Variants in TARS1 observed in about 807,000 individuals in gnomAD.
The protein encoded by TARS1 is threonyl-tRNA synthetase 1.
In TARS1, 57 loss-of-function variants were observed where a neutral mutation model predicts 97.7. That is an observed-to-expected ratio of 0.58 (90% CI 0.47 to 0.73). The LOEUF (loss-of-function observed/expected upper bound fraction) is 0.73. Among genes scored for constraint, TARS1 ranks in the 30% least tolerant of loss-of-function variants. TARS1 has a pLI of 0.00. For missense variants in TARS1, 806 were observed against 888.3 expected (o/e 0.91, Z 1.18); for synonymous variants, 312 against 293.7 (o/e 1.06, Z -0.64).
At chr5:33,445,246 TTC>T (rs2111926745) in intron 1 of TARS1, 76 bp from the exon 2 acceptor site, 7 of 1,076,502 alleles carry the variant, frequency 6.5e-6, no homozygotes, top group Non-Finnish European at 9.5e-6. Context: ...TAAAATAACA[TTC>T]TCAACACTTC....
At position 33,456,199 on chromosome 5, in the gene TARS1, GC is replaced by G. The variant is rs780053489; in HGVS notation, c.810del (p.Ile272LeufsTer4). On this transcript the variant is annotated frameshift_variant, in exon 8 of 19. Coordinates refer to ENST00000265112, the MANE Select transcript of TARS1 (RefSeq NM_152295.5). LOFTEE classifies it high-confidence loss of function. ...CGGGGTCCTCATGTTAGACACACGG[GC>G]AAAATTAAGGCTTTAAAAATACACA... ...LCRGPHVRHT[G>X]KIKALKIHKN... The G allele has an allele frequency of 6.2e-7, 1 of 1,613,756 alleles. No homozygotes were observed.
intron 9 of TARS1, 50 bp from the exon 10 acceptor site, chr5:33,458,516 A>G: frequency 6.7e-7 from 1 of 1,489,978 alleles, no homozygotes; most frequent in Non-Finnish European, 9.2e-7. Context: ...ATATATACAC[A>G]CACGTATACG....
chr5:33,458,544 CT>C (rs754641252), intron 9 of TARS1, 21 bp from the exon 10 acceptor site: 13 of 1,598,962 alleles, frequency 8.1e-6, no homozygotes, highest in East Asian at 2.2e-5. Flanking sequence ...CATAAACATT[CT>C]TTTGCTTTTC....
Position 33,448,551 on chromosome 5 carries a change from G to T in TARS1, c.149G>T (p.Trp50Leu). Residue 50 changes from tryptophan to leucine, a missense_variant, in exon 3 of 19, where the codon TGG (tryptophan) becomes TTG (leucine). Around this residue, in one of 3 missense-constraint regions of TARS1, gnomAD observed 356 missense variants for 357.8 expected, o/e 0.99. Transcript: ENST00000265112. ...TTTGTTGTCTTGCAGTTGAATCCTTGGCCTGAATATATTTACACACGTCTT... is the reference window on the plus strand; with the variant it reads ...TTTGTTGTCTTGCAGTTGAATCCTTTGCCTGAATATATTTACACACGTCTT... Reference protein sequence around the residue: ...GDGGRAELNPWPEYIYTRLEM... With the variant: ...GDGGRAELNPLPEYIYTRLEM... 6.3e-7 allele frequency: 1 copy of T among 1,580,704 alleles called. No individual in the cohort carries two copies. Among genetic ancestry groups the T allele is most frequent in the Non-Finnish European group, 8.6e-7 (1 of 1,162,010 alleles).
intron 3 of TARS1, among the ~76,000 whole-genome samples, chr5:33,451,852 C>T (rs887599349): frequency 3.9e-5 from 6 of 152,072 alleles, no homozygotes; most frequent in African/African-American, 1.4e-4. Context: ...TATGATTATC[C>T]TTTTTATCAG....
chr5:33,462,286 G>A lies in TARS1; in HGVS notation c.1835+83G>A, dbSNP rs919409004. On this transcript the variant is annotated intron_variant, in intron 16 of 18. Transcript: ENST00000265112. ...CTACTTTTCGATTTAATTATCAGAT[G>A]GAAAGGGAGAATGATTCCAATCGGT... 6.8e-5 allele frequency: 84 copies of A among 1,234,148 alleles called. No individual in the cohort carries two copies. In the Middle Eastern group the frequency reaches 8.3e-4, roughly 12 times the overall value. 76.4% of individuals were successfully genotyped at this position (1,234,148 alleles called of 1,614,324 possible).
chr5:33,456,875 G>A (rs563951512), intron 8 of TARS1, among the ~76,000 whole-genome samples: 5 of 152,240 alleles, frequency 3.3e-5, no homozygotes, highest in East Asian at 1.9e-4. Flanking sequence ...AATGGAGATC[G>A]TGCCACTGCA....
rs141843774 is a variant in TARS1, at chr5:33,463,364, G to A, written c.1836-389G>A. 1.1e-3 allele frequency among the ~76,000 whole-genome samples: 166 copies of A among 152,284 alleles called. 1 individual carries two copies. The highest frequency in any genetic ancestry group is 3.7e-3 in the African/African-American group (153 of 41,560). ...AGTAAACTGAGGGCACTGTGTCCCC[G>A]TGAAGAATAAGTAATAAAATGAACA... On this transcript the variant is annotated intron_variant, in intron 16 of 18. Coordinates refer to ENST00000265112, the MANE Select transcript of TARS1 (RefSeq NM_152295.5).
chr5:33,446,651 C>T (rs1024543273), intron 2 of TARS1: 7 of 1,286,818 alleles, frequency 5.4e-6, no homozygotes, highest in South Asian at 1.2e-5. Flanking sequence ...CAGAGACTGA[C>T]ACAGAGGGTA....
chr5:33,465,849 GA>G (rs990430117), intron 17 of TARS1: 1 of 152,220 alleles, frequency 6.6e-6, no homozygotes, highest in Non-Finnish European at 1.5e-5. Flanking sequence ...AAAATTGAAA[GA>G]AATATTTCGT....
rs371901086 is a variant in TARS1, at chr5:33,457,357, A to G, written c.938A>G (p.Lys313Arg). 1 of 1,614,002 alleles carries G rather than the reference A, an allele frequency of 6.2e-7. No homozygotes were observed. The highest frequency in any genetic ancestry group is 8.5e-7 in the Non-Finnish European group (1 of 1,180,008). Reference sequence around the variant, plus strand: ...CCTAAAATGTTGAAAGAGTGGGAGAAGTTCCAAGAGGAAGCTAAAAACCGA... The same window carrying G: ...CCTAAAATGTTGAAAGAGTGGGAGAGGTTCCAAGAGGAAGCTAAAAACCGA... The part of the protein sequence containing the change: ...PDPKMLKEWE[K>R]FQEEAKNRDH... The change falls in exon 9 of 19, where the codon AAG becomes AGG. Residue 313 changes from lysine (K) to arginine (R), a missense_variant. Transcript: ENST00000265112.
At chr5:33,453,722 ATT>A (rs911017855) in intron 4 of TARS1, among the ~76,000 whole-genome samples, 2 of 144,616 alleles carry the variant, frequency 1.4e-5, no homozygotes, top group Non-Finnish European at 1.5e-5. Context: ...TTTTATTTTA[ATT>A]TTTTTTTTTT....
At chr5:33,461,635 AAAAAAT>A (rs1340030149) in intron 13 of TARS1, 26 bp from the exon 14 acceptor site, 1 of 1,596,374 alleles carries the variant, frequency 6.3e-7, no homozygotes, top group South Asian at 1.1e-5. Flanking sequence ...ATTGCGATGA[AAAAAAT>A]AAAAATCATT....
chr5:33,451,373 C>CTT (rs202149660), intron 3 of TARS1, among the ~76,000 whole-genome samples: 69 of 138,922 alleles, frequency 5.0e-4, no homozygotes, highest in East Asian at 1.9e-3. Flanking sequence ...TGTTATAAAT[C>CTT]TTTTTTTTTT....
intron 8 of TARS1, among the ~76,000 whole-genome samples, chr5:33,456,855 G>A (rs943009040): frequency 6.6e-6 from 1 of 152,246 alleles, no homozygotes; most frequent in Admixed American, 6.5e-5. Flanking sequence ...TGGGAAATGA[G>A]GTTGCAGTGA....
At chr5:33,463,112 CTTTAGCCTTTTGCCT>C (rs1742371519) in intron 16 of TARS1, among the ~76,000 whole-genome samples, 1 of 152,196 alleles carries the variant, frequency 6.6e-6, no homozygotes, top group Non-Finnish European at 1.5e-5. Flanking sequence ...TTAGTGCCTA[CTTTAGCCTTTTGCCT>C]GATACAACAG....
Position 33,441,478 on chromosome 5 carries a change from C to G in TARS1, c.57+335C>G, listed in dbSNP as rs190009496. ...CTTAGGCTTGAGGCTTCCAAACTTG[C>G]GTTTATGGCTTACTGTAAGCGGGAA... On this transcript the variant is annotated intron_variant, in intron 1 of 18. Coordinates refer to ENST00000265112, the MANE Select transcript of TARS1 (RefSeq NM_152295.5). The G allele has an allele frequency of 2.7e-5, 7 of 255,186 alleles. No homozygotes were observed. In the South Asian group the frequency reaches 5.3e-4, roughly 19 times the overall value. 15.8% of individuals were successfully genotyped at this position (255,186 alleles called of 1,614,324 possible).
At chr5:33,452,437 C>T in intron 3 of TARS1, 1 of 1,534,936 alleles carries the variant, frequency 6.5e-7, no homozygotes. Context: ...CTCTTTTCTT[C>T]CTGTGAGTGC....
chr5:33,451,480 T>C (rs1009342143), intron 3 of TARS1, among the ~76,000 whole-genome samples: 1 of 151,856 alleles, frequency 6.6e-6, no homozygotes, highest in South Asian at 2.1e-4. Flanking sequence ...GTTGACGCCA[T>C]TCTCCTGCCT....
Sources: allele counts gnomAD v4.1 joint callset (sites outside exome capture counted in the v4.1 genomes callset), GRCh38; gene constraint gnomAD v4.1.1; regional missense constraint gnomAD v4.1.1; transcripts MANE v1.5; gene names NCBI Gene and HGNC (gene_info 2026-07-23, HGNC 2026-07-21).